CATSPERB: variants seen among roughly 807,000 people sequenced by gnomAD.
The protein encoded by CATSPERB is catsper channel auxiliary subunit beta, also known as cation channel sperm-associated auxiliary subunit beta.
In CATSPERB, 93 loss-of-function variants were observed where a neutral mutation model predicts 128.3. The observed-to-expected ratio is 0.72, with a 90% confidence interval of 0.61 to 0.86. The LOEUF (loss-of-function observed/expected upper bound fraction) is 0.86, where lower values mean the gene tolerates loss of function less well. Ranked by LOEUF, CATSPERB falls within the 40% of genes least tolerant of loss-of-function variation. The pLI, the probability that CATSPERB is intolerant of heterozygous loss-of-function variation, is 0.00. For synonymous variants in CATSPERB, 381 were observed against 448.8 expected, an observed-to-expected ratio of 0.85 and a Z score of 1.91; for missense variants, 1,153 against 1,329.5, an observed-to-expected ratio of 0.87 and a Z score of 2.06.
At chr14:91,728,843 GA>G (rs1266908356) in intron 2 of CATSPERB, among the ~76,000 whole-genome samples, 1 of 152,064 alleles carries the variant, frequency 6.6e-6, no homozygotes, top group Admixed American at 6.5e-5. Context: ...CAAACGTACA[GA>G]AAAAAATGCC....
intron 22 of CATSPERB, chr14:91,604,544 G>A: frequency 6.2e-7 from 1 of 1,607,766 alleles, no homozygotes; most frequent in South Asian, 1.1e-5. Flanking sequence ...GTCACTGGCA[G>A]GAGAATTTGG....
intron 2 of CATSPERB, among the ~76,000 whole-genome samples, chr14:91,728,878 C>G (rs1236159683): frequency 6.6e-6 from 1 of 152,216 alleles, no homozygotes; most frequent in Admixed American, 6.5e-5. Context: ...ATTCATTGCC[C>G]TATTCACAGT....
chr14:91,589,641 T>G lies in CATSPERB; in HGVS notation c.2849A>C (p.Gln950Pro). 1 of 1,613,724 alleles carries G rather than the reference T, an allele frequency of 6.2e-7. No individual in the cohort carries two copies. ...GATAATTTCCAAAGAAACTGGATATTGTGTAATTGGAAACTTAAAGCGAGG... is the reference window on the plus strand; with the variant it reads ...GATAATTTCCAAAGAAACTGGATATGGTGTAATTGGAAACTTAAAGCGAGG... ...KVPRFKFPIT[Q>P]YPVSLEIINE... Residue 950 changes from glutamine (Q) to proline (P), a missense_variant, in exon 24 of 27, where the codon CAA becomes CCA. Physicochemically the swap from Gln to Pro is moderately conservative, Grantham distance 76. Coordinates refer to ENST00000256343, the MANE Select transcript of CATSPERB (RefSeq NM_024764.4).
chr14:91,599,987 C>T (rs939247273), intron 22 of CATSPERB, among the ~76,000 whole-genome samples: 1 of 152,190 alleles, frequency 6.6e-6, no homozygotes, highest in Non-Finnish European at 1.5e-5. Context: ...TCCTTTGACA[C>T]CACTGAATGG....
In CATSPERB at chr14:91,587,477, C is replaced by CTTTTTTTTT. The variant is rs3029803; in HGVS notation, c.3058-210_3058-202dup. Reference sequence around the variant, plus strand: ...AAGTGGAGGGATTCAATAGCTGATACTTTTTTTTTTTTTTTTTTTTTTTTT... The same window carrying CTTTTTTTTT: ...AAGTGGAGGGATTCAATAGCTGATACTTTTTTTTTTTTTTTTTTTTTTTTTTTTTTTTTT... On this transcript the variant is annotated intron_variant, in intron 25 of 26. Transcript: ENST00000256343. 1.3e-4 allele frequency among the ~76,000 whole-genome samples: 13 copies of CTTTTTTTTT among 101,540 alleles called. 1 individual carries two copies. Among genetic ancestry groups the CTTTTTTTTT allele is most frequent in the South Asian group, 3.6e-4 (1 of 2,812 alleles). 66.6% of individuals were successfully genotyped at this position (101,540 alleles called of 152,430 possible).
At chr14:91,615,765 A>T (rs1893924226) in intron 20 of CATSPERB, among the ~76,000 whole-genome samples, 1 of 152,228 alleles carries the variant, frequency 6.6e-6, no homozygotes, top group South Asian at 2.1e-4. Context: ...AAACACTGGT[A>T]CACAGACATC....
chr14:91,730,387 C>G (rs1874550812), intron 1 of CATSPERB, among the ~76,000 whole-genome samples: 1 of 152,170 alleles, frequency 6.6e-6, no homozygotes, highest in Non-Finnish European at 1.5e-5. Context: ...TCATGGCCCT[C>G]AGAAGGAATT....
At chr14:91,665,095 G>A (rs572294401) in intron 14 of CATSPERB, among the ~76,000 whole-genome samples, 1 of 152,010 alleles carries the variant, frequency 6.6e-6, no homozygotes, top group African/African-American at 2.4e-5. Flanking sequence ...GTTTTGGCAT[G>A]TTGCCCAAGC....
At chr14:91,653,009 A>C (rs1809130848) in intron 15 of CATSPERB, among the ~76,000 whole-genome samples, 1 of 152,210 alleles carries the variant, frequency 6.6e-6, no homozygotes, top group South Asian at 2.1e-4. Flanking sequence ...TTATTCTCAA[A>C]CAAGGAAGGA....
At chr14:91,661,548 T>TATATATATATATATATATA (rs1566722229) in intron 14 of CATSPERB, among the ~76,000 whole-genome samples, 17 of 146,866 alleles carry the variant, frequency 1.2e-4, no homozygotes, top group African/African-American at 2.5e-4. Context: ...TATATATATA[T>TATATATATATATATATATA]TTAAGACAGG....
At chr14:91,712,423 T>C (rs1895854977) in intron 5 of CATSPERB, among the ~76,000 whole-genome samples, 1 of 152,192 alleles carries the variant, frequency 6.6e-6, no homozygotes, top group South Asian at 2.1e-4. Context: ...AGATAATTAC[T>C]TACCCAATTT....
At chr14:91,656,407 T>C (rs573931226) in intron 15 of CATSPERB, among the ~76,000 whole-genome samples, 157 of 152,142 alleles carry the variant, frequency 1.0e-3, no homozygotes, top group African/African-American at 3.6e-3. Context: ...TTTAAAATAA[T>C]GGGTTATAAG....
chr14:91,605,416 T>G, intron 22 of CATSPERB: 1 of 517,276 alleles, frequency 1.9e-6, no homozygotes, highest in Non-Finnish European at 3.4e-6. Context: ...CTTAGAGAAA[T>G]ATGACCTCCA....
intron 5 of CATSPERB, among the ~76,000 whole-genome samples, chr14:91,715,614 T>G (rs1446476980): frequency 6.7e-6 from 1 of 148,628 alleles, no homozygotes; most frequent in East Asian, 2.0e-4. Context: ...ATAGATTCAA[T>G]GCAATACAAA....
intron 22 of CATSPERB, among the ~76,000 whole-genome samples, chr14:91,594,148 TA>T (rs2139762163): frequency 6.6e-6 from 1 of 152,288 alleles, no homozygotes; most frequent in South Asian, 2.1e-4. Flanking sequence ...TATGCAGCCA[TA>T]AAAAATGATG....
At chr14:91,658,016 A>G (rs1374695232) in intron 15 of CATSPERB, among the ~76,000 whole-genome samples, 1 of 152,180 alleles carries the variant, frequency 6.6e-6, no homozygotes, top group African/African-American at 2.4e-5. Context: ...CATATGATCC[A>G]GCAATCCCAC....
chr14:91,592,236 C>T (rs1595137462), intron 22 of CATSPERB: 1 of 499,394 alleles, frequency 2.0e-6, no homozygotes, highest in South Asian at 2.2e-5. Flanking sequence ...TTGCCGTTCA[C>T]CTCGTGCAGT....
chr14:91,691,377 A>C, intron 10 of CATSPERB, 146 bp downstream of exon 10: 1 of 363,866 alleles, frequency 2.7e-6, no homozygotes, highest in Non-Finnish European at 4.7e-6. Flanking sequence ...ATTCATATAT[A>C]TAAAAAAATA....
rs1158424776 is a variant in CATSPERB at position 91,704,704 on chromosome 14, G to A, written c.467-3C>T. 2 of 1,609,276 alleles carry A rather than the reference G, an allele frequency of 1.2e-6. No homozygotes were observed. The highest frequency in any genetic ancestry group is 1.7e-6 in the Non-Finnish European group (2 of 1,178,294). ...AGGAGTCCACTGAAGAATCGGTTCT[G>A]TGGAAATCAAATTTGGGTGTTTAAA... On this transcript the variant is annotated splice_polypyrimidine_tract_variant and splice_region_variant and intron_variant, in intron 6 of 26. Coordinates refer to ENST00000256343, the MANE Select transcript of CATSPERB (RefSeq NM_024764.4).
Sources: gnomAD v4.1 joint callset for allele counts (sites outside exome capture counted in the v4.1 genomes callset) on GRCh38, gnomAD v4.1.1 for gene constraint, MANE v1.5 for transcripts, NCBI Gene and HGNC (gene_info 2026-07-23, HGNC 2026-07-21) for gene names.